The following DMD variants were observed in gnomAD, a reference collection of about 807,000 sequenced individuals.
DMD encodes dystrophin.
DMD carries 63 observed loss-of-function variants against 330.1 expected under a neutral mutation model. The ratio of observed to expected loss-of-function variants is 0.19; its 90% CI spans 0.16 to 0.24. The LOEUF (loss-of-function observed/expected upper bound fraction) is 0.24, where lower values mean the gene tolerates loss of function less well. DMD is among the 10% of genes least tolerant of loss of function. The probability of loss-of-function intolerance (pLI) is 1.00; values close to 1 mark genes in which losing one functional copy is unlikely to be tolerated. For missense variants in DMD, 3,344 were observed against 2,684.1 expected (o/e 1.25, Z -5.43); for synonymous variants, 1,223 against 959.8 (o/e 1.27, Z -5.07).
intron 26 of DMD, among the ~76,000 whole-genome samples, chrX:32,450,913 A>T (rs1387124868): frequency 9.0e-6 from 1 of 111,170 alleles, no homozygotes; most frequent in East Asian, 2.8e-4. Flanking sequence ...ACAAACAGCA[A>T]AATTTATTAA....
chrX:31,694,275 T>C (rs2083302386), intron 52 of DMD, among the ~76,000 whole-genome samples: 1 of 110,665 alleles, frequency 9.0e-6, no homozygotes, highest in Non-Finnish European at 1.9e-5. Flanking sequence ...AAGCCTTAAA[T>C]GTAATACCTG....
chrX:32,230,653 G>C (rs1476957685), intron 43 of DMD, among the ~76,000 whole-genome samples: 1 of 112,087 alleles, frequency 8.9e-6, no homozygotes, highest in African/African-American at 3.2e-5. Context: ...TACAAAATTT[G>C]AAGACAAGCA....
At chrX:32,023,728 C>T (rs751381499) in intron 44 of DMD, among the ~76,000 whole-genome samples, 12 of 111,619 alleles carry the variant, frequency 1.1e-4, no homozygotes, top group Admixed American at 3.8e-4. Flanking sequence ...GAATGTGGCG[C>T]GTATACACCA....
intron 2 of DMD, among the ~76,000 whole-genome samples, chrX:32,969,027 C>CCAAAAAA (rs2092280100): frequency 1.5e-4 from 3 of 19,813 alleles, no homozygotes; most frequent in African/African-American, 4.7e-4. Flanking sequence ...GATTCTGTCT[C>CCAAAAAA]AAAAAAAAAA....
At chrX:33,257,969 A>G (rs62594386) in intron 1 of DMD, among the ~76,000 whole-genome samples, 7,765 of 110,793 alleles carry the variant, frequency 0.07, 270 homozygotes, top group South Asian at 0.2. Context: ...AATGCTTTTC[A>G]AACATTAGAT....
intron 54 of DMD, among the ~76,000 whole-genome samples, chrX:31,629,805 T>C (rs1202274845): frequency 1.2e-4 from 14 of 112,016 alleles, no homozygotes; most frequent in Non-Finnish European, 2.3e-4. Context: ...GTGTGACCTA[T>C]AAAAGTGGCA....
intron 7 of DMD, among the ~76,000 whole-genome samples, chrX:32,711,564 T>C (rs2065193933): frequency 8.9e-6 from 1 of 112,203 alleles, no homozygotes; most frequent in Non-Finnish European, 1.9e-5. Flanking sequence ...GATATTTTAA[T>C]TTCATAAGTC....
chrX:32,760,336 G>A (rs376229404), intron 7 of DMD, among the ~76,000 whole-genome samples: 1 of 92,358 alleles, frequency 1.1e-5, no homozygotes, highest in Non-Finnish European at 2.1e-5. Flanking sequence ...TGTCATATTT[G>A]TTAGTACCTC....
chrX:33,176,257 C>G (rs928646790), intron 1 of DMD, among the ~76,000 whole-genome samples: 1 of 111,140 alleles, frequency 9.0e-6, no homozygotes, highest in Non-Finnish European at 1.9e-5. Flanking sequence ...TCTTCAAGCA[C>G]TTCTTTAGCT....
At chrX:33,307,742 T>C (rs1217059908) in intron 1 of DMD, among the ~76,000 whole-genome samples, 4 of 111,153 alleles carry the variant, frequency 3.6e-5, no homozygotes, top group East Asian at 2.8e-4. Context: ...TTGTAAGTAC[T>C]AATGGTTCCA....
chrX:32,101,530 A>G (rs925950155), intron 44 of DMD, among the ~76,000 whole-genome samples: 2 of 111,996 alleles, frequency 1.8e-5, no homozygotes, highest in Non-Finnish European at 3.8e-5. Context: ...AATTTCACAT[A>G]AACTATGAAT....
At chrX:32,899,731 T>A (rs1480832451) in intron 2 of DMD, among the ~76,000 whole-genome samples, 3 of 111,081 alleles carry the variant, frequency 2.7e-5, no homozygotes, top group Non-Finnish European at 3.8e-5. Context: ...TGTTTGTACT[T>A]AATTCTAATG....
At chrX:33,134,597 G>A (rs1259118889) in intron 1 of DMD, among the ~76,000 whole-genome samples, 1 of 111,778 alleles carries the variant, frequency 8.9e-6, no homozygotes, top group African/African-American at 3.2e-5. Context: ...ATTTTTTAAT[G>A]TTCTCGCTAC....
chrX:31,889,904 T>C (rs957474364), intron 47 of DMD, among the ~76,000 whole-genome samples: 1 of 110,456 alleles, frequency 9.1e-6, no homozygotes, highest in Non-Finnish European at 1.9e-5. Context: ...GTAGGAAATA[T>C]CATTTTTAAT....
At chrX:32,425,757 A>T (rs2098210076) in intron 29 of DMD, among the ~76,000 whole-genome samples, 1 of 111,489 alleles carries the variant, frequency 9.0e-6, no homozygotes, top group Non-Finnish European at 1.9e-5. Flanking sequence ...GTGCTACAGT[A>T]ACCAAAACAA....
chrX:32,519,923 G>T (rs1371200737), intron 17 of DMD, among the ~76,000 whole-genome samples: 2 of 111,896 alleles, frequency 1.8e-5, no homozygotes, highest in African/African-American at 6.5e-5. Flanking sequence ...ACCAATTCCA[G>T]CTGCCCATAG....
rs560212408 is a variant in DMD, at chrX:33,250,085, T to TTATATATATATATATATATATATA, written c.7+89150_7+89173dup. On this transcript the variant is annotated intron_variant, in intron 1 of 17. Transcript: ENST00000288447. ...AGCCCACATAGTAGTAAACTATTCA[T>TTATATATATATATATATATATATA]TATATATATATATATATATATATAT... Among the ~76,000 whole-genome samples, 114 of 75,370 alleles carry TTATATATATATATATATATATATA rather than the reference T, an allele frequency of 1.5e-3. 1 individual carries two copies. The highest frequency in any genetic ancestry group is 3.2e-3 in the African/African-American group (44 of 13,875). 65.4% of individuals were successfully genotyped at this position (75,370 alleles called of 115,157 possible). A position where few individuals can be genotyped will look rare whatever the true frequency, so the allele number is the denominator to read the frequency against.
intron 1 of DMD, among the ~76,000 whole-genome samples, chrX:33,155,321 T>C (rs369009185): frequency 7.9e-5 from 8 of 101,011 alleles, no homozygotes; most frequent in African/African-American, 2.2e-4. Context: ...GCCTTTCTCT[T>C]TTTTTTTTTT....
At chrX:32,693,873 G>T (rs2063461534) in intron 9 of DMD, among the ~76,000 whole-genome samples, 1 of 111,651 alleles carries the variant, frequency 9.0e-6, no homozygotes, top group African/African-American at 3.3e-5. Flanking sequence ...TCTTATTAAA[G>T]GGGATATAAA....
Sources: gnomAD v4.1 joint callset for allele counts (sites outside exome capture counted in the v4.1 genomes callset) on GRCh38, gnomAD v4.1.1 for gene constraint, MANE v1.5 for transcripts, NCBI Gene and HGNC (gene_info 2026-07-23, HGNC 2026-07-21) for gene names.